The following RNFT1 variants were observed in gnomAD, a reference collection of about 807,000 sequenced individuals.
The protein encoded by RNFT1 is ring finger protein, transmembrane 1, also known as E3 ubiquitin-protein ligase RNFT1.
RNFT1 carries 35 observed loss-of-function variants against 53.2 expected under a neutral mutation model. That is an observed-to-expected ratio of 0.66 (90% CI 0.50 to 0.87). RNFT1 has a LOEUF of 0.87. Among genes scored for constraint, RNFT1 ranks in the 40% least tolerant of loss-of-function variants. The pLI, the probability that RNFT1 is intolerant of heterozygous loss-of-function variation, is 0.00. For missense variants in RNFT1, 421 were observed against 515.0 expected (o/e 0.82, Z 1.77); for synonymous variants, 141 against 172.8 (o/e 0.82, Z 1.44).
At chr17:59,964,554 C>T in intron 1 of RNFT1, 54 bp downstream of exon 1, 2 of 1,541,840 alleles carry the variant, frequency 1.3e-6, no homozygotes, top group Non-Finnish European at 1.8e-6. Context: ...CCAGAGCCCC[C>T]TGCGCCGCGG....
At chr17:59,954,624 C>T (rs2045242717) in intron 7 of RNFT1, among the ~76,000 whole-genome samples, 1 of 152,156 alleles carries the variant, frequency 6.6e-6, no homozygotes, top group Admixed American at 6.5e-5. Flanking sequence ...TATCAATTCA[C>T]TAGGACCAGA....
rs188842766 is a variant in RNFT1, at chr17:59,960,077, A to C, written c.683T>G (p.Leu228Arg). The C allele has an allele frequency of 2.5e-3, 4,049 of 1,600,836 alleles. 7 individuals carry two copies. Among genetic ancestry groups the C allele is most frequent in the Non-Finnish European group, 3.2e-3 (3,716 of 1,175,622 alleles). Residue 228 changes from leucine (L) to arginine (R), a missense_variant, in exon 4 of 9, where the codon CTT (leucine) becomes CGT (arginine). Transcript: ENST00000305783. ...LLYYTFHSQS[L>R]YYSLIFLNPT... ...TTGGACCTCTAATTACCTGTAATAA[A>C]GTGACTGAGAATGAAAGGTGTAATA...
chr17:59,957,192 C>T, intron 6 of RNFT1, 32 bp downstream of exon 6: 1 of 1,595,600 alleles, frequency 6.3e-7, no homozygotes, highest in East Asian at 2.2e-5. Flanking sequence ...TAATGTGAAT[C>T]ATGCAGTGAC....
At chr17:59,963,378 A>G in intron 1 of RNFT1, 94 bp from the exon 2 acceptor site, 1 of 1,017,078 alleles carries the variant, frequency 9.8e-7, no homozygotes, top group African/African-American at 1.6e-5. Flanking sequence ...CTAAAGGAGT[A>G]GCAAATAATC....
intron 2 of RNFT1, 100 bp from the exon 3 acceptor site, chr17:59,962,716 TAA>T (rs1217571989): frequency 7.5e-7 from 1 of 1,324,542 alleles, no homozygotes; most frequent in African/African-American, 1.5e-5. Context: ...TATACAATAA[TAA>T]AAGCTCACAG....
chr17:59,959,905 G>A (rs1324546938), intron 4 of RNFT1, 163 bp downstream of exon 4: 12 of 605,718 alleles, frequency 2.0e-5, no homozygotes, highest in South Asian at 1.7e-4. Context: ...GTGAGACTCC[G>A]TCTCAAAAAG....
At chr17:59,964,502 A>C in intron 1 of RNFT1, 106 bp downstream of exon 1, 1 of 943,424 alleles carries the variant, frequency 1.1e-6, no homozygotes, top group Non-Finnish European at 1.6e-6. Flanking sequence ...CTCCGAGGGC[A>C]GAGTTCTCCA....
chr17:59,959,397 A>C (rs1275845112), intron 4 of RNFT1: 1 of 152,226 alleles, frequency 6.6e-6, no homozygotes, highest in African/African-American at 2.4e-5. Context: ...ATATTCTAAT[A>C]AAAGCTGAAA....
Position 59,958,388 on chromosome 17 carries a change from A to G in RNFT1, c.749T>C (p.Ile250Thr), listed in dbSNP as rs571226737. The G allele has an allele frequency of 4.9e-5, 79 of 1,603,170 alleles. No homozygotes were observed. The South Asian group carries it at 8.6e-4, about 17-fold the overall frequency. Residue 250 changes from isoleucine (I) to threonine (T), a missense_variant, in exon 5 of 9, where the codon ATT becomes ACT. Physicochemically the swap from Ile to Thr is moderately conservative, Grantham distance 89. Transcript: ENST00000305783. The stretch of plus-strand genomic sequence containing the variant: ...CAGAATGAAGTCTGTAATTCCAACA[A>G]TCCAAAATACTTCCCAGAAGCTCAA... ...DHLSFWEVFW[I>T]VGITDFILKF... is the part of the protein sequence containing the mutation.
intron 7 of RNFT1, among the ~76,000 whole-genome samples, chr17:59,954,661 ATT>A (rs2145114501): frequency 6.6e-6 from 1 of 152,342 alleles, no homozygotes; most frequent in East Asian, 1.9e-4. Context: ...CCAGTAATCT[ATT>A]ATTTGAAAGG....
At position 59,964,736 on chromosome 17, in the gene RNFT1, A is replaced by ACGG. The variant is rs1428735070; in HGVS notation, c.-76_-74dup. 1 of 1,455,804 alleles carries ACGG rather than the reference A, an allele frequency of 6.9e-7. No homozygotes were observed. Among genetic ancestry groups the ACGG allele is most frequent in the Non-Finnish European group, 9.2e-7 (1 of 1,091,316 alleles). The allele number at this position is 1,455,804 out of a possible 1,614,324, so 90.2% of individuals were successfully genotyped here. ...AAGCTCTTCTCTCAGCCCGGCGGCAACGGCGGCGGCGCGCGCGCTCCCCGG... is the reference window on the plus strand; with the variant it reads ...AAGCTCTTCTCTCAGCCCGGCGGCAACGGCGGCGGCGGCGCGCGCGCTCCCCGG... On this transcript the variant is annotated 5_prime_UTR_variant, in exon 1 of 9. Transcript: ENST00000305783.
intron 1 of RNFT1, among the ~76,000 whole-genome samples, chr17:59,964,207 G>C (rs1268994609): frequency 1.3e-5 from 2 of 152,216 alleles, no homozygotes; most frequent in Non-Finnish European, 2.9e-5. Flanking sequence ...GAGGAGGCTA[G>C]AGTTAACGTC....
chr17:59,955,696 TAGTC>T (rs1391789143), intron 7 of RNFT1, among the ~76,000 whole-genome samples: 7 of 152,212 alleles, frequency 4.6e-5, no homozygotes, highest in African/African-American at 1.7e-4. Context: ...CCTGGCCAGT[TAGTC>T]TCGTTTACTT....
intron 6 of RNFT1, 111 bp downstream of exon 6, chr17:59,957,113 A>G: frequency 9.4e-7 from 1 of 1,065,112 alleles, no homozygotes; most frequent in Non-Finnish European, 1.3e-6. Flanking sequence ...TATTACTTCA[A>G]ACTAGTGATA....
chr17:59,958,894 C>A (rs1186001253), intron 4 of RNFT1, among the ~76,000 whole-genome samples: 5 of 152,144 alleles, frequency 3.3e-5, no homozygotes, highest in African/African-American at 1.2e-4. Flanking sequence ...AGACTTTTAA[C>A]ACAACACTTT....
At chr17:59,962,506 A>C in intron 3 of RNFT1, 34 bp downstream of exon 3, 1 of 1,310,138 alleles carries the variant, frequency 7.6e-7, no homozygotes. Flanking sequence ...GGAGAGAAAC[A>C]GTTAATAATT....
At position 59,952,955 on chromosome 17, in the gene RNFT1, T is replaced by G; in HGVS notation, c.*22A>C. 1 of 1,606,910 alleles carries G rather than the reference T, an allele frequency of 6.2e-7. No individual in the cohort carries two copies. The highest frequency in any genetic ancestry group is 8.5e-7 in the Non-Finnish European group (1 of 1,176,758). ...ATGACCAAATGACATTAGTATTTTG[T>G]GGCCTTGATAGTTTATACAACTTAA... On this transcript the variant is annotated 3_prime_UTR_variant, in exon 9 of 9. Coordinates refer to ENST00000305783, the MANE Select transcript of RNFT1 (RefSeq NM_016125.4).
At position 59,962,522 on chromosome 17, in the gene RNFT1, GTTGC is replaced by G. The variant is rs1320754695; in HGVS notation, c.591+14_591+17del. ...GAGAGAAACAGTTAATAATTTTTTAGTTGCTTGTTATACTTACTCTTAGAAAAAC... is the reference window on the plus strand; with the variant it reads ...GAGAGAAACAGTTAATAATTTTTTAGTTGTTATACTTACTCTTAGAAAAAC... On this transcript the variant is annotated intron_variant, in intron 3 of 8. Coordinates refer to ENST00000305783, the MANE Select transcript of RNFT1 (RefSeq NM_016125.4). The G allele has an allele frequency of 2.1e-5, 32 of 1,502,826 alleles. No homozygotes were observed. The highest frequency in any genetic ancestry group is 2.8e-5 in the Non-Finnish European group (31 of 1,099,800). The allele number at this position is 1,502,826 out of a possible 1,614,324, so 93.1% of individuals were successfully genotyped here.
chr17:59,953,155 T>C, intron 8 of RNFT1, 44 bp from the exon 9 acceptor site: 1 of 1,500,758 alleles, frequency 6.7e-7, no homozygotes, highest in East Asian at 2.3e-5. Context: ...GATAATCATT[T>C]TAAATCCATC....
Sources: gnomAD v4.1 joint callset for allele counts (sites outside exome capture counted in the v4.1 genomes callset) on GRCh38, gnomAD v4.1.1 for gene constraint, MANE v1.5 for transcripts, NCBI Gene and HGNC (gene_info 2026-07-23, HGNC 2026-07-21) for gene names.